The following ABCB1 variants were observed in gnomAD, a reference collection of about 807,000 sequenced individuals.
The protein encoded by ABCB1 is ATP binding cassette subfamily B member 1.
A neutral mutation model predicts 142.0 loss-of-function variants in ABCB1; 69 were observed. That is an observed-to-expected ratio of 0.49 (90% CI 0.40 to 0.59). The LOEUF (loss-of-function observed/expected upper bound fraction) is 0.59. Among genes scored for constraint, ABCB1 ranks in the 20% least tolerant of loss-of-function variants. The pLI, the probability that ABCB1 is intolerant of heterozygous loss-of-function variation, is 0.00. For synonymous variants in ABCB1, 532 were observed against 539.2 expected (o/e 0.99, Z 0.18); for missense variants, 1,326 against 1,554.7 (o/e 0.85, Z 2.47).
At chr7:87,540,110 GT>G (rs1816469731) in intron 18 of ABCB1, among the ~76,000 whole-genome samples, 1 of 152,158 alleles carries the variant, frequency 6.6e-6, no homozygotes, top group African/African-American at 2.4e-5. Flanking sequence ...CTCTTATAAT[GT>G]CCAGAAAAAT....
chr7:87,700,686 T>C, intron 1 of ABCB1: 2 of 777,676 alleles, frequency 2.6e-6, no homozygotes, highest in Non-Finnish European at 4.0e-6. Flanking sequence ...TCCTGTTCTG[T>C]GATGTTTCTA....
chr7:87,592,122 C>T lies in ABCB1; in HGVS notation c.117+3644G>A, dbSNP rs1310132567. On this transcript the variant is annotated intron_variant, in intron 3 of 27. Coordinates refer to ENST00000622132, the MANE Select transcript of ABCB1 (RefSeq NM_001348946.2). ...AAATCAAGACAGAACGCAAAGGCCACTTTTGTGTGTGAAGGGAGCTGGCAG... is the reference window on the plus strand; with the variant it reads ...AAATCAAGACAGAACGCAAAGGCCATTTTTGTGTGTGAAGGGAGCTGGCAG... Among the ~76,000 whole-genome samples the T allele has an allele frequency of 3.3e-5, 5 of 152,246 alleles. No individual in the cohort carries two copies. The East Asian group carries it at 9.6e-4, about 29-fold the overall frequency.
intron 4 of ABCB1, among the ~76,000 whole-genome samples, chr7:87,573,835 T>A (rs1818161527): frequency 6.6e-6 from 1 of 152,178 alleles, no homozygotes; most frequent in Admixed American, 6.5e-5. Flanking sequence ...CAGAGAGAGC[T>A]GCTGCTGCAT....
chr7:87,650,027 T>C (rs1181418028), intron 1 of ABCB1, among the ~76,000 whole-genome samples: 1 of 152,192 alleles, frequency 6.6e-6, no homozygotes. Context: ...GGTAAGTCTT[T>C]ATTAGCAGTG....
rs563375387 is a variant in ABCB1, at chr7:87,504,389, G to A, written c.3697C>T (p.Arg1233Cys). ...EGRTCIVIAH[R>C]LSTIQNADLI... ...TCTGCATTCTGGATGGTGGACAGGC[G>A]GTGAGCAATCACAATGCAGGTGCGG... The change falls in exon 28 of 28, where the codon CGC (arginine) becomes TGC (cysteine). Residue 1233 changes from arginine (R) to cysteine (C), a missense_variant. By Grantham distance (180) the Arg-to-Cys change is radical. Transcript: ENST00000622132. 2.9e-5 allele frequency: 47 copies of A among 1,614,046 alleles called. No homozygotes were observed. Among genetic ancestry groups the A allele is most frequent in the Admixed American group, 2.7e-4 (16 of 60,014 alleles).
At chr7:87,566,605 C>T (rs1817791660) in intron 6 of ABCB1, among the ~76,000 whole-genome samples, 180 bp downstream of exon 6, 1 of 152,174 alleles carries the variant, frequency 6.6e-6, no homozygotes, top group Non-Finnish European at 1.5e-5. Flanking sequence ...TCCCCCCATA[C>T]CCTGTCAAGG....
intron 9 of ABCB1, among the ~76,000 whole-genome samples, chr7:87,553,085 G>T (rs909658767): frequency 6.6e-5 from 10 of 152,052 alleles, no homozygotes; most frequent in Admixed American, 2.0e-4. Context: ...AATTTGAAAA[G>T]AAGTCAAAAT....
chr7:87,606,527 TATATGG>T (rs1299910757), intron 1 of ABCB1, among the ~76,000 whole-genome samples: 3 of 152,076 alleles, frequency 2.0e-5, no homozygotes, highest in Admixed American at 6.6e-5. Context: ...TAACCACATA[TATATGG>T]ATGAATTAAT....
chr7:87,599,606 C>T (rs1170030304), intron 2 of ABCB1, among the ~76,000 whole-genome samples: 1 of 151,432 alleles, frequency 6.6e-6, no homozygotes, highest in Non-Finnish European at 1.5e-5. Context: ...GGAAAGAGGC[C>T]GGGAAGGGTA....
In ABCB1 at chr7:87,532,751, T is replaced by C. The variant is rs115487598; in HGVS notation, c.2482-1254A>G. ...TGTTCTGCCTATGAAGTAGCTATTC[T>C]TAATTTTTTCACTTTCTTAATAAAC... On this transcript the variant is annotated intron_variant, in intron 20 of 27. Coordinates refer to ENST00000622132, the MANE Select transcript of ABCB1 (RefSeq NM_001348946.2). 2.5e-3 allele frequency among the ~76,000 whole-genome samples: 384 copies of C among 152,340 alleles called. 1 individual carries two copies. Among genetic ancestry groups the C allele is most frequent in the African/African-American group, 8.8e-3 (365 of 41,584 alleles).
In ABCB1 at chr7:87,536,506, A is replaced by G. The variant is rs962100921; in HGVS notation, c.2433T>C (p.Thr811=). ...TGGCGAGCCTGGTAGTCAATGCTCC[A>G]GTGGTGTTTTTAGGGTCATCAAACC... ...VSWFDDPKNT[T]GALTTRLAND... The change falls in exon 20 of 28, where the codon ACT becomes ACC. Residue 811 remains threonine, a synonymous_variant. Transcript: ENST00000622132. 1 of 1,613,874 alleles carries G rather than the reference A, an allele frequency of 6.2e-7. No individual in the cohort carries two copies. Among genetic ancestry groups the G allele is most frequent in the African/African-American group, 1.3e-5 (1 of 74,906 alleles).
At chr7:87,547,690 C>T (rs1219861184) in intron 14 of ABCB1, among the ~76,000 whole-genome samples, 2 of 151,716 alleles carry the variant, frequency 1.3e-5, no homozygotes, top group African/African-American at 2.4e-5. Context: ...GGCCACATGA[C>T]GAAACCCTGT....
In ABCB1 at chr7:87,679,448, G is replaced by A. The variant is rs986788796; in HGVS notation, c.-331+33713C>T. On this transcript the variant is annotated intron_variant, in intron 1 of 28. Coordinates refer to the ABCB1 transcript ENST00000265724. The stretch of plus-strand genomic sequence containing the variant: ...CTGTCACCCAGGTTGGAGTGCAATG[G>A]CACAATCATGGCTCACCACAGCCTC... Among the ~76,000 whole-genome samples the A allele has an allele frequency of 4.6e-4, 69 of 149,454 alleles. 3 individuals carry two copies. The highest frequency in any genetic ancestry group is 3.4e-3 in the Middle Eastern group (1 of 294).
intron 1 of ABCB1, among the ~76,000 whole-genome samples, chr7:87,657,668 T>G (rs1824246378): frequency 6.6e-6 from 1 of 152,154 alleles, no homozygotes. Context: ...TGCTGGTTCC[T>G]GGCCATACTG....
At chr7:87,577,854 T>C (rs1293062595) in intron 4 of ABCB1, among the ~76,000 whole-genome samples, 1 of 152,220 alleles carries the variant, frequency 6.6e-6, no homozygotes, top group African/African-American at 2.4e-5. Context: ...AAATACTTTC[T>C]CCCATTTTGC....
chr7:87,642,095 T>A (rs980598858), intron 1 of ABCB1, among the ~76,000 whole-genome samples: 1 of 151,784 alleles, frequency 6.6e-6, no homozygotes, highest in African/African-American at 2.4e-5. Flanking sequence ...AAATTTTAAT[T>A]ATAATAATTT....
At chr7:87,706,692 G>A (rs1257561955) in intron 1 of ABCB1, among the ~76,000 whole-genome samples, 1 of 152,190 alleles carries the variant, frequency 6.6e-6, no homozygotes, top group Admixed American at 6.5e-5. Context: ...AGACTAAGCA[G>A]AAAGTTGTGG....
intron 1 of ABCB1, among the ~76,000 whole-genome samples, chr7:87,656,941 A>G (rs764093756): frequency 1.3e-5 from 2 of 152,180 alleles, no homozygotes; most frequent in Non-Finnish European, 2.9e-5. Context: ...CTGGGCATAC[A>G]GTAGGGAATT....
intron 1 of ABCB1, 73 bp from the exon 2 acceptor site, chr7:87,600,263 T>C: frequency 7.9e-7 from 1 of 1,265,548 alleles, no homozygotes; most frequent in African/African-American, 1.5e-5. Context: ...TAACCTCTAG[T>C]CCCCCGTCGA....
Sources: allele counts gnomAD v4.1 joint callset (sites outside exome capture counted in the v4.1 genomes callset), GRCh38; gene constraint gnomAD v4.1.1; transcripts MANE v1.5; gene names NCBI Gene and HGNC (gene_info 2026-07-23, HGNC 2026-07-21).